The following ANKS1B variants were observed in gnomAD, a reference collection of about 807,000 sequenced individuals.
ANKS1B encodes ankyrin repeat and sterile alpha motif domain containing 1B.
In ANKS1B, 36 loss-of-function variants were observed where a neutral mutation model predicts 148.3. That is an observed-to-expected ratio of 0.24 (90% CI 0.19 to 0.32). ANKS1B has a LOEUF of 0.32. Ranked by LOEUF, ANKS1B falls within the 10% of genes least tolerant of loss-of-function variation. The probability of loss-of-function intolerance (pLI) is 1.00; values close to 1 mark genes in which losing one functional copy is unlikely to be tolerated. For missense variants in ANKS1B, 1,157 were observed against 1,542.6 expected (o/e 0.75, Z 4.19); for synonymous variants, 542 against 560.8 (o/e 0.97, Z 0.47).
intron 8 of ANKS1B, among the ~76,000 whole-genome samples, chr12:99,761,348 C>A (rs564281648): frequency 1.3e-5 from 2 of 151,808 alleles, no homozygotes; most frequent in South Asian, 4.2e-4. Flanking sequence ...AAACTTACGA[C>A]GATGAAGGAG....
chr12:99,850,187 T>C (rs531929836), intron 1 of ANKS1B, among the ~76,000 whole-genome samples: 127 of 152,190 alleles, frequency 8.3e-4, no homozygotes, highest in South Asian at 1.5e-3. Context: ...TTCAGTTATA[T>C]TAATCTTTCC....
rs180707654 is a variant in ANKS1B, at chr12:99,878,426, T to C, written c.135-53037A>G. 2.6e-3 allele frequency among the ~76,000 whole-genome samples: 392 copies of C among 152,334 alleles called. 2 individuals are homozygous for C. The highest frequency in any genetic ancestry group is 8.6e-3 in the African/African-American group (358 of 41,592). On this transcript the variant is annotated intron_variant, in intron 1 of 26. Coordinates refer to ENST00000683438, the MANE Select transcript of ANKS1B (RefSeq NM_001352186.2). ...ACTGGAATATGAGATAACATTACAA[T>C]GTGCTTTGGTGTGCGTCTTTTCAAA...
intron 4 of ANKS1B, among the ~76,000 whole-genome samples, chr12:99,788,688 C>A (rs1194842597): frequency 3.3e-5 from 5 of 152,138 alleles, no homozygotes; most frequent in African/African-American, 1.2e-4. Context: ...GGCCTAGGCT[C>A]TTGGACAACA....
chr12:99,245,569 C>A (rs1374435169), intron 13 of ANKS1B, among the ~76,000 whole-genome samples: 1 of 152,138 alleles, frequency 6.6e-6, no homozygotes, highest in Non-Finnish European at 1.5e-5. Context: ...ACTATCAGAC[C>A]ATATCCATTT....
At chr12:99,855,715 C>T (rs1169104749) in intron 1 of ANKS1B, among the ~76,000 whole-genome samples, 1 of 152,218 alleles carries the variant, frequency 6.6e-6, no homozygotes, top group East Asian at 1.9e-4. Context: ...CAAGTACTCT[C>T]TCAAACCACA....
chr12:99,256,232 G>A (rs1368803371), intron 12 of ANKS1B, among the ~76,000 whole-genome samples: 3 of 148,798 alleles, frequency 2.0e-5, no homozygotes, highest in South Asian at 2.1e-4. Flanking sequence ...CCTGGGTGAC[G>A]GAGTGAAACT....
At chr12:98,974,322 G>T (rs1282401072) in intron 17 of ANKS1B, among the ~76,000 whole-genome samples, 3 of 152,036 alleles carry the variant, frequency 2.0e-5, no homozygotes, top group African/African-American at 7.2e-5. Context: ...TGAATGATTG[G>T]GGAAACTTAC....
intron 9 of ANKS1B, among the ~76,000 whole-genome samples, chr12:99,554,889 CTTCT>C (rs1190687496): frequency 6.6e-6 from 1 of 152,036 alleles, no homozygotes; most frequent in African/African-American, 2.4e-5. Flanking sequence ...CTGTTGTTCC[CTTCT>C]TTGTGTCCAC....
rs536776562 is a variant in ANKS1B at position 98,951,812 on chromosome 12, G to A, written c.2778+101345C>T. Among the ~76,000 whole-genome samples the A allele has an allele frequency of 3.9e-5, 6 of 152,246 alleles. No individual in the cohort carries two copies. In the South Asian group the frequency reaches 1.0e-3, roughly 26 times the overall value. The stretch of plus-strand genomic sequence containing the variant: ...AACATCAATTGTACTTGGTTCATAC[G>A]GGTCTTATGGCATTTGTTACATATT... On this transcript the variant is annotated intron_variant, in intron 17 of 26. Coordinates refer to ENST00000683438, the MANE Select transcript of ANKS1B (RefSeq NM_001352186.2).
At chr12:99,142,131 G>A (rs2071064948) in intron 15 of ANKS1B, among the ~76,000 whole-genome samples, 2 of 151,920 alleles carry the variant, frequency 1.3e-5, no homozygotes, top group East Asian at 1.9e-4. Context: ...GGGTACAGGC[G>A]GAAGCAGGGA....
At chr12:99,791,373 A>T (rs10745875) in intron 4 of ANKS1B, among the ~76,000 whole-genome samples, 72,325 of 151,722 alleles carry the variant, frequency 0.48, 17,779 homozygotes, top group East Asian at 0.56. Context: ...GATCTTCCAG[A>T]CAGAAAATCA....
intron 10 of ANKS1B, among the ~76,000 whole-genome samples, chr12:99,503,437 A>G (rs1435108281): frequency 6.6e-6 from 1 of 152,270 alleles, no homozygotes; most frequent in African/African-American, 2.4e-5. Flanking sequence ...GTGTTTCCCT[A>G]AACTAGCTGA....
intron 25 of ANKS1B, among the ~76,000 whole-genome samples, chr12:98,772,312 C>A (rs2098596591): frequency 6.6e-6 from 1 of 152,032 alleles, no homozygotes; most frequent in East Asian, 1.9e-4. Flanking sequence ...GGTGTCCTTA[C>A]AAGAAGAGGA....
intron 4 of ANKS1B, among the ~76,000 whole-genome samples, chr12:99,787,565 T>C (rs2065141927): frequency 6.6e-6 from 1 of 151,892 alleles, no homozygotes; most frequent in South Asian, 2.1e-4. Context: ...CAGAGCAAAA[T>C]TGCAGAATAT....
chr12:98,881,013 A>AT (rs2099706495), intron 17 of ANKS1B, among the ~76,000 whole-genome samples: 2 of 150,994 alleles, frequency 1.3e-5, no homozygotes, highest in Admixed American at 6.6e-5. Flanking sequence ...TTTAAAAAAA[A>AT]TTTTTTAATG....
At chr12:99,726,135 G>C (rs1312329338) in intron 8 of ANKS1B, among the ~76,000 whole-genome samples, 1 of 151,968 alleles carries the variant, frequency 6.6e-6, no homozygotes, top group African/African-American at 2.4e-5. Context: ...AAATAACTAA[G>C]ATCAGAGCAG....
At chr12:98,800,866 G>A in intron 21 of ANKS1B, 131 bp downstream of exon 21, 1 of 1,166,560 alleles carries the variant, frequency 8.6e-7, no homozygotes, top group South Asian at 1.9e-5. Context: ...AAAAAGTGAA[G>A]AGAAAAACAT....
intron 1 of ANKS1B, among the ~76,000 whole-genome samples, chr12:99,972,483 C>A (rs185021572): frequency 6.6e-6 from 1 of 152,328 alleles, no homozygotes; most frequent in East Asian, 1.9e-4. Context: ...AACAGCAACA[C>A]AACATTCCCT....
intron 17 of ANKS1B, among the ~76,000 whole-genome samples, chr12:98,914,059 G>A (rs568639224): frequency 1.3e-5 from 2 of 152,060 alleles, no homozygotes; most frequent in South Asian, 4.1e-4. Context: ...CAAATATCAC[G>A]CTGAATTGTA....
Sources: gnomAD v4.1 joint callset for allele counts (sites outside exome capture counted in the v4.1 genomes callset) on GRCh38, gnomAD v4.1.1 for gene constraint, MANE v1.5 for transcripts, NCBI Gene and HGNC (gene_info 2026-07-23, HGNC 2026-07-21) for gene names.